RPS6KC1: variants seen among roughly 807,000 people sequenced by gnomAD.
The protein encoded by RPS6KC1 is ribosomal protein S6 kinase C1.
Under a neutral mutation model 103.8 loss-of-function variants are expected in RPS6KC1, and 54 were observed. That is an observed-to-expected ratio of 0.52 (90% confidence interval 0.42 to 0.65). The LOEUF is 0.65. Ranked by LOEUF, RPS6KC1 falls within the 30% of genes least tolerant of loss-of-function variation. The probability of loss-of-function intolerance (pLI) is 0.00; values close to 1 mark genes in which losing one functional copy is unlikely to be tolerated. For missense variants in RPS6KC1, 1,151 were observed against 1,253.8 expected, an observed-to-expected ratio of 0.92 and a Z score of 1.24; for synonymous variants, 439 against 438.7, an observed-to-expected ratio of 1.00 and a Z score of -0.01.
chr1:213,730,031 T>A, the RPS6KC1 span, among the ~76,000 whole-genome samples: 1 of 152,244 alleles, frequency 6.6e-6, no homozygotes, highest in African/African-American at 2.4e-5. Context: ...TGTGTTCGAT[T>A]TTCTCTTCTG....
At chr1:213,332,499 A>G in the RPS6KC1 span, among the ~76,000 whole-genome samples, 1 of 152,234 alleles carries the variant, frequency 6.6e-6, no homozygotes, top group Admixed American at 6.5e-5. Context: ...ACTCTAATCC[A>G]TCTCTGGCAG....
At chr1:213,115,211 A>T (rs2083453466) in intron 4 of RPS6KC1, among the ~76,000 whole-genome samples, 1 of 151,780 alleles carries the variant, frequency 6.6e-6, no homozygotes, top group African/African-American at 2.4e-5. Context: ...TAAGCTATTG[A>T]TTATTGCCAC....
chr1:213,205,226 A>G (rs2093303446), intron 8 of RPS6KC1: 1 of 983,834 alleles, frequency 1.0e-6, no homozygotes, highest in Non-Finnish European at 1.2e-6. Context: ...AATCTACTCT[A>G]CTGATTCATT....
chr1:213,708,023 T>C, the RPS6KC1 span, among the ~76,000 whole-genome samples: 2 of 152,164 alleles, frequency 1.3e-5, no homozygotes, highest in African/African-American at 4.8e-5. Context: ...TTGGCTATAC[T>C]GGCTCTTTTT....
intron 8 of RPS6KC1, among the ~76,000 whole-genome samples, chr1:213,199,259 T>C (rs949558633): frequency 6.6e-6 from 1 of 152,168 alleles, no homozygotes; most frequent in Admixed American, 6.5e-5. Context: ...TACTGGCAAA[T>C]TGAATCCAGC....
chr1:213,749,274 C>T, the RPS6KC1 span, among the ~76,000 whole-genome samples: 1 of 152,184 alleles, frequency 6.6e-6, no homozygotes, highest in African/African-American at 2.4e-5. Flanking sequence ...GGCAGAAGGA[C>T]AGCCATGTGC....
the RPS6KC1 span, among the ~76,000 whole-genome samples, chr1:213,613,410 G>A: frequency 2.0e-5 from 3 of 152,208 alleles, no homozygotes; most frequent in East Asian, 5.8e-4. Flanking sequence ...TCCTGGAGCA[G>A]TGTGCAAGCT....
chr1:213,850,078 C>T, the RPS6KC1 span, among the ~76,000 whole-genome samples: 1 of 152,082 alleles, frequency 6.6e-6, no homozygotes, highest in Non-Finnish European at 1.5e-5. Flanking sequence ...CCAATAGTAA[C>T]ATTTCTTATT....
At chr1:213,197,309 A>C (rs1337474152) in intron 8 of RPS6KC1, among the ~76,000 whole-genome samples, 1 of 151,950 alleles carries the variant, frequency 6.6e-6, no homozygotes, top group Non-Finnish European at 1.5e-5. Context: ...CTTTTTTTCT[A>C]GTTCTGTGAA....
the RPS6KC1 span, among the ~76,000 whole-genome samples, chr1:213,707,788 T>A: frequency 6.6e-6 from 1 of 152,238 alleles, no homozygotes; most frequent in Non-Finnish European, 1.5e-5. Flanking sequence ...ACACCATTTA[T>A]TAAATAGGGA....
At chr1:213,178,548 C>A (rs960035401) in intron 8 of RPS6KC1, among the ~76,000 whole-genome samples, 24 of 150,278 alleles carry the variant, frequency 1.6e-4, no homozygotes, top group Admixed American at 5.3e-4. Context: ...CTCAAAAAAA[C>A]AAACAAACAA....
chr1:213,768,938 G>A, the RPS6KC1 span, among the ~76,000 whole-genome samples: 564 of 152,184 alleles, frequency 3.7e-3, 5 homozygotes, highest in African/African-American at 0.013. Context: ...GAATGTTACA[G>A]TATTTAAAGG....
rs140731621 is a variant in RPS6KC1, at chr1:213,202,626, A to G, written c.1044+26134A>G. 6.2e-3 allele frequency among the ~76,000 whole-genome samples: 885 copies of G among 142,324 alleles called. 5 individuals carry two copies. Among genetic ancestry groups the G allele is most frequent in the Middle Eastern group, 0.023 (6 of 262 alleles). 93.4% of individuals were successfully genotyped at this position (142,324 alleles called of 152,430 possible). A position where few individuals can be genotyped will look rare whatever the true frequency, so the allele number is the denominator to read the frequency against. On this transcript the variant is annotated intron_variant, in intron 8 of 14. Transcript: ENST00000366960. The stretch of plus-strand genomic sequence containing the variant: ...AGACTCAGTCTCAAAAACAAAAAAC[A>G]AACCAACAAACAAAAACAAAAAACA...
chr1:213,621,146 T>C, the RPS6KC1 span, among the ~76,000 whole-genome samples: 20 of 152,204 alleles, frequency 1.3e-4, no homozygotes, highest in South Asian at 4.1e-4. Context: ...ACTACTCTCC[T>C]GGATTGTTGA....
At chr1:213,144,542 T>TG (rs2087492554) in intron 6 of RPS6KC1, among the ~76,000 whole-genome samples, 1 of 152,062 alleles carries the variant, frequency 6.6e-6, no homozygotes, top group Non-Finnish European at 1.5e-5. Context: ...TGTGAGCCAC[T>TG]GCACCTGGCC....
chr1:213,546,290 G>T, the RPS6KC1 span: 1 of 152,200 alleles, frequency 6.6e-6, no homozygotes, highest in African/African-American at 2.4e-5. Flanking sequence ...TAGGCACAAA[G>T]CTGATCATTC....
At chr1:213,793,013 T>A in the RPS6KC1 span, among the ~76,000 whole-genome samples, 1 of 152,098 alleles carries the variant, frequency 6.6e-6, no homozygotes, top group African/African-American at 2.4e-5. Context: ...AACAACAGCA[T>A]ATAAAGAAAC....
chr1:213,121,160 T>C (rs2084338277), intron 5 of RPS6KC1, among the ~76,000 whole-genome samples: 1 of 152,164 alleles, frequency 6.6e-6, no homozygotes, highest in Non-Finnish European at 1.5e-5. Flanking sequence ...TCTCGAACTC[T>C]TAGACGCAAG....
At chr1:213,762,108 T>C in the RPS6KC1 span, among the ~76,000 whole-genome samples, 3 of 149,720 alleles carry the variant, frequency 2.0e-5, no homozygotes, top group Non-Finnish European at 4.5e-5. Flanking sequence ...GAAGGAAGGA[T>C]GACGAAAACC....
Sources: allele counts gnomAD v4.1 joint callset (sites outside exome capture counted in the v4.1 genomes callset), GRCh38; gene constraint gnomAD v4.1.1; transcripts MANE v1.5; gene names NCBI Gene and HGNC (gene_info 2026-07-23, HGNC 2026-07-21).